The following F5 variants were observed in gnomAD, a reference collection of about 807,000 sequenced individuals.
F5 encodes activated protein c cofactor.
A neutral mutation model predicts 216.4 loss-of-function variants in F5; 138 were observed. The ratio of observed to expected loss-of-function variants is 0.64; its 90% CI spans 0.56 to 0.73. The LOEUF (loss-of-function observed/expected upper bound fraction) is 0.73, where lower values mean the gene tolerates loss of function less well. F5 is among the 30% of genes least tolerant of loss of function. The pLI is 0.00. For missense variants in F5, 2,403 were observed against 2,674.0 expected, an observed-to-expected ratio of 0.90 and a Z score of 2.24; for synonymous variants, 916 against 930.7, an observed-to-expected ratio of 0.98 and a Z score of 0.29.
Position 169,541,978 on chromosome 1 carries a change from T to C in F5, c.3112A>G (p.Thr1038Ala). 1 of 1,614,094 alleles carries C rather than the reference T, an allele frequency of 6.2e-7. No homozygotes were observed. Among genetic ancestry groups the C allele is most frequent in the Non-Finnish European group, 8.5e-7 (1 of 1,180,018 alleles). Residue 1038 changes from threonine to alanine, a missense_variant, in exon 13 of 25, where the codon ACA becomes GCA. Around this residue, in one of 4 missense-constraint regions of F5, gnomAD observed 1,425 missense variants for 1,554.8 expected, o/e 0.92. Transcript: ENST00000367797. ...KTRKKKKEKHTHHAPLSPRTF... is the reference protein window; with the variant it reads ...KTRKKKKEKHAHHAPLSPRTF... ...CTCGGAGATAAAGGAGCATGGTGTG[T>C]GTGCTTCTCTTTTTTCTTTTTTCGT...
At position 169,586,228 on chromosome 1, in the gene F5, C is replaced by G; in HGVS notation, c.158+1G>C. 6.2e-7 allele frequency: 1 copy of G among 1,614,138 alleles called. No individual in the cohort carries two copies. On this transcript the variant is annotated splice_donor_variant, in intron 1 of 24. Coordinates refer to ENST00000367797, the MANE Select transcript of F5 (RefSeq NM_000130.5). LOFTEE classifies it high-confidence loss of function. The stretch of plus-strand genomic sequence containing the variant: ...CCACCCGGACTCCACACCTGAGTTA[C>G]CTTGAGTTTGTGGGCTCAGGTCGGT...
intron 3 of F5, among the ~76,000 whole-genome samples, chr1:169,570,303 C>T (rs1331119134): frequency 1.3e-5 from 2 of 152,108 alleles, no homozygotes; most frequent in African/African-American, 4.8e-5. Flanking sequence ...CCAAAGTCTA[C>T]AATTCTTACC....
At position 169,544,483 on chromosome 1, in the gene F5, G is replaced by A. The variant is rs775037266; in HGVS notation, c.1788C>T (p.Ser596=). The change falls in exon 12 of 25, where the codon AGC becomes AGT. Residue 596 remains serine (S), a synonymous_variant. Transcript: ENST00000367797. ...MSTINGYVPE[S]ITTLGFCFDD... ...CAAAGCAGAATCCAAGAGTAGTTAT[G>A]CTCTCAGGCACATAGCCATTGATAG... 6 of 1,613,994 alleles carry A rather than the reference G, an allele frequency of 3.7e-6. No individual in the cohort carries two copies. Among genetic ancestry groups the A allele is most frequent in the Non-Finnish European group, 4.2e-6 (5 of 1,179,954 alleles).
At position 169,544,561 on chromosome 1, in the gene F5, G is replaced by C. The variant is rs1049110101; in HGVS notation, c.1763-53C>G. 7 of 1,430,620 alleles carry C rather than the reference G, an allele frequency of 4.9e-6. No individual in the cohort carries two copies. In the Middle Eastern group the frequency reaches 1.1e-3, roughly 216 times the overall value. 88.6% of individuals were successfully genotyped at this position (1,430,620 alleles called of 1,614,324 possible). Reference sequence around the variant, plus strand: ...CAAGTCTATGCCAACAAAAGGGCATGTGTCTAATTATACCTAAGATAAATG... The same window carrying C: ...CAAGTCTATGCCAACAAAAGGGCATCTGTCTAATTATACCTAAGATAAATG... On this transcript the variant is annotated intron_variant, in intron 11 of 24. Transcript: ENST00000367797.
chr1:169,570,586 G>A (rs1660700337), intron 3 of F5, among the ~76,000 whole-genome samples: 1 of 152,092 alleles, frequency 6.6e-6, no homozygotes, highest in Admixed American at 6.6e-5. Context: ...CAAAGATTAA[G>A]TGCTAATGCA....
In F5 at chr1:169,526,067, T is replaced by C. The variant is rs368250731; in HGVS notation, c.5600-50A>G. 43 of 1,248,606 alleles carry C rather than the reference T, an allele frequency of 3.4e-5. No individual in the cohort carries two copies. The African/African-American group carries it at 5.0e-4, about 15-fold the overall frequency. 77.3% of individuals were successfully genotyped at this position (1,248,606 alleles called of 1,614,324 possible). Reference sequence around the variant, plus strand: ...ATTTGCAAAAATTAACAAGTAAATATTGTGGTTGATAGTTCTCTAAGAATC... The same window carrying C: ...ATTTGCAAAAATTAACAAGTAAATACTGTGGTTGATAGTTCTCTAAGAATC... On this transcript the variant is annotated intron_variant, in intron 17 of 24. Transcript: ENST00000367797.
At position 169,520,507 on chromosome 1, in the gene F5, C is replaced by G; in HGVS notation, c.6193+13G>C. ...GAGTGGCAGTGAGAAAATAATGCAT[C>G]TTTGTACCTTACCATTTACCTCACA... On this transcript the variant is annotated intron_variant, in intron 22 of 24. Coordinates refer to ENST00000367797, the MANE Select transcript of F5 (RefSeq NM_000130.5). 1 of 1,613,886 alleles carries G rather than the reference C, an allele frequency of 6.2e-7. No individual in the cohort carries two copies. Among genetic ancestry groups the G allele is most frequent in the East Asian group, 2.2e-5 (1 of 44,852 alleles).
At chr1:169,539,051 T>TATAA (rs1281718821) in intron 13 of F5, among the ~76,000 whole-genome samples, 7 of 152,162 alleles carry the variant, frequency 4.6e-5, no homozygotes, top group Admixed American at 2.6e-4. Context: ...AATTACAAAT[T>TATAA]ATAAATAAAT....
chr1:169,541,327 G>C lies in F5; in HGVS notation c.3763C>G (p.Gln1255Glu), dbSNP rs1659843104. ...SHTTLSLDLS[Q>E]TNLSPELSQT... ...CTGAGTTCTGGAGAGAGGTTTGTCT[G>C]GCTGAGGTCTAAAGAAAGGGTTGTA... The change falls in exon 13 of 25, where the codon CAG becomes GAG. Residue 1255 changes from glutamine (Q) to glutamate (E), a missense_variant. Physicochemically the swap from Gln to Glu is conservative, Grantham distance 29. Coordinates refer to ENST00000367797, the MANE Select transcript of F5 (RefSeq NM_000130.5). The C allele has an allele frequency of 1.2e-6, 2 of 1,610,242 alleles. No individual in the cohort carries two copies. Among genetic ancestry groups the C allele is most frequent in the Non-Finnish European group, 1.7e-6 (2 of 1,178,416 alleles).
intron 4 of F5, 45 bp from the exon 5 acceptor site, chr1:169,559,341 A>G (rs750638571): frequency 6.2e-7 from 1 of 1,606,760 alleles, no homozygotes; most frequent in South Asian, 1.1e-5. Flanking sequence ...CAGATAGAAG[A>G]CGCTCATTAG....
intron 21 of F5, 91 bp downstream of exon 21, chr1:169,523,106 T>A: frequency 2.1e-6 from 3 of 1,441,618 alleles, no homozygotes; most frequent in South Asian, 2.3e-5. Context: ...CAGAAAGGTA[T>A]TTTTTAAAAT....
At chr1:169,551,364 C>T (rs1367473234) in intron 8 of F5, among the ~76,000 whole-genome samples, 1 of 152,180 alleles carries the variant, frequency 6.6e-6, no homozygotes, top group East Asian at 1.9e-4. Flanking sequence ...GTGCGAGAAT[C>T]GCCTGAGCCC....
chr1:169,554,161 A>G (rs1571585335), intron 7 of F5, among the ~76,000 whole-genome samples: 1 of 148,958 alleles, frequency 6.7e-6, no homozygotes, highest in Non-Finnish European at 1.5e-5. Flanking sequence ...TCTCAAAATG[A>G]CCTCCCTACC....
At chr1:169,577,179 C>T (rs989458623) in intron 2 of F5, among the ~76,000 whole-genome samples, 1 of 151,936 alleles carries the variant, frequency 6.6e-6, no homozygotes, top group Non-Finnish European at 1.5e-5. Context: ...CAGCATGTAC[C>T]CAATTTAGTG....
chr1:169,536,364 G>A, intron 14 of F5, 142 bp downstream of exon 14: 1 of 708,458 alleles, frequency 1.4e-6, no homozygotes, highest in Non-Finnish European at 2.5e-6. Flanking sequence ...TTGGCAAGGA[G>A]TCTTTGAAAA....
intron 2 of F5, among the ~76,000 whole-genome samples, chr1:169,573,877 C>T (rs1241939317): frequency 6.6e-6 from 1 of 152,012 alleles, no homozygotes. Flanking sequence ...ATGGCTGAGT[C>T]AGAATTTGAG....
intron 8 of F5, among the ~76,000 whole-genome samples, chr1:169,551,986 A>G (rs1557921358): frequency 6.6e-6 from 1 of 152,174 alleles, no homozygotes; most frequent in East Asian, 1.9e-4. Context: ...TTACTGTTAT[A>G]TCTTAGCTAT....
At position 169,518,393 on chromosome 1, in the gene F5, T is replaced by C. The variant is rs767355058; in HGVS notation, c.6345+19A>G. On this transcript the variant is annotated intron_variant, in intron 23 of 24. Transcript: ENST00000367797. ...CTTCTGGAGCCCTAAGAGAACACCA[T>C]GCATAGAGTATACTTGACCTTGGCT... The C allele has an allele frequency of 5.0e-6, 8 of 1,613,410 alleles. No individual in the cohort carries two copies. In the African/African-American group the frequency reaches 5.3e-5, roughly 11 times the overall value.
Position 169,559,220 on chromosome 1 carries a change from G to A in F5, c.663C>T (p.Ser221=). The A allele has an allele frequency of 6.2e-7, 1 of 1,613,740 alleles. No individual in the cohort carries two copies. The highest frequency in any genetic ancestry group is 8.5e-7 in the Non-Finnish European group (1 of 1,179,792). ...GGGATGATGACTGGCTCCAGCTCTTGCTTTCATCAAACACAGCAAATAGTA... is the reference window on the plus strand; with the variant it reads ...GGGATGATGACTGGCTCCAGCTCTTACTTTCATCAAACACAGCAAATAGTA... ...IVLLFAVFDE[S]KSWSQSSSLM... Residue 221 remains serine, a synonymous_variant, in exon 5 of 25, where the codon AGC becomes AGT. Coordinates refer to ENST00000367797, the MANE Select transcript of F5 (RefSeq NM_000130.5).
Sources: gnomAD v4.1 joint callset for allele counts (sites outside exome capture counted in the v4.1 genomes callset) on GRCh38, gnomAD v4.1.1 for gene constraint, gnomAD v4.1.1 regional missense constraint, MANE v1.5 for transcripts, NCBI Gene and HGNC (gene_info 2026-07-23, HGNC 2026-07-21) for gene names.